The following POU2F3 variants were observed in gnomAD, a reference collection of about 807,000 sequenced individuals.
The protein encoded by POU2F3 is POU domain, class 2, transcription factor 3.
Under a neutral mutation model 59.2 loss-of-function variants are expected in POU2F3, and 23 were observed. The ratio of observed to expected loss-of-function variants is 0.39; its 90% confidence interval spans 0.28 to 0.55. POU2F3 has a LOEUF of 0.55. POU2F3 is among the 20% of genes least tolerant of loss of function. POU2F3 has a pLI of 0.66. For synonymous variants in POU2F3, 190 were observed against 214.6 expected, an observed-to-expected ratio of 0.89 and a Z score of 1.00; for missense variants, 473 against 544.5, an observed-to-expected ratio of 0.87 and a Z score of 1.31.
intron 2 of POU2F3, among the ~76,000 whole-genome samples, chr11:120,264,110 C>T (rs945337856): frequency 1.3e-5 from 2 of 151,914 alleles, no homozygotes; most frequent in African/African-American, 2.4e-5. Context: ...GTGGCTCATG[C>T]CTATAATCCC....
chr11:120,291,288 G>A (rs950510034), intron 3 of POU2F3, among the ~76,000 whole-genome samples: 2 of 152,200 alleles, frequency 1.3e-5, no homozygotes, highest in Non-Finnish European at 2.9e-5. Context: ...GAGACACGTG[G>A]CAGTGCAGTA....
chr11:120,245,785 C>T (rs934827841), intron 1 of POU2F3, among the ~76,000 whole-genome samples: 2 of 152,116 alleles, frequency 1.3e-5, no homozygotes, highest in South Asian at 2.1e-4. Context: ...GGCACTGACC[C>T]GCTGCCATCC....
chr11:120,290,710 A>G (rs971847265), intron 3 of POU2F3, among the ~76,000 whole-genome samples: 4 of 152,254 alleles, frequency 2.6e-5, no homozygotes, highest in African/African-American at 4.8e-5. Flanking sequence ...AGTGTTTCTC[A>G]TCTCTACAGT....
At chr11:120,282,426 C>T (rs1477035257) in intron 3 of POU2F3, among the ~76,000 whole-genome samples, 2 of 152,224 alleles carry the variant, frequency 1.3e-5, no homozygotes, top group African/African-American at 2.4e-5. Flanking sequence ...GAGGCTGAGG[C>T]TGGCGGATCA....
At position 120,318,974 on chromosome 11, in the gene POU2F3, T is replaced by C. The variant is rs1158655649; in HGVS notation, c.*582T>C. On this transcript the variant is annotated 3_prime_UTR_variant, in exon 13 of 13. Coordinates refer to ENST00000543440, the MANE Select transcript of POU2F3 (RefSeq NM_014352.4). ...TTTAACCTCGCCCCCTTTTCTACAATCAAATCCATTCATTATTGCGCCCTC... is the reference window on the plus strand; with the variant it reads ...TTTAACCTCGCCCCCTTTTCTACAACCAAATCCATTCATTATTGCGCCCTC... 1 of 152,518 alleles carries C rather than the reference T, an allele frequency of 6.6e-6. No homozygotes were observed. The highest frequency in any genetic ancestry group is 1.5e-5 in the Non-Finnish European group (1 of 68,314). The allele number at this position is 152,518 out of a possible 1,614,324, so 9.4% of individuals were successfully genotyped here.
At chr11:120,313,999 G>A (rs540757255) in intron 10 of POU2F3, among the ~76,000 whole-genome samples, 1 of 152,266 alleles carries the variant, frequency 6.6e-6, no homozygotes, top group South Asian at 2.1e-4. Context: ...GGGTGACAGA[G>A]CGAGACTCCA....
At chr11:120,266,503 C>G (rs754047561) in intron 2 of POU2F3, among the ~76,000 whole-genome samples, 5 of 152,112 alleles carry the variant, frequency 3.3e-5, no homozygotes, top group Admixed American at 3.3e-4. Flanking sequence ...GTCTTTATCA[C>G]GACCCAACCA....
intron 8 of POU2F3, among the ~76,000 whole-genome samples, chr11:120,307,138 G>T (rs1164144530): frequency 1.3e-5 from 2 of 152,186 alleles, no homozygotes; most frequent in Non-Finnish European, 2.9e-5. Context: ...CCCTGCCAGT[G>T]CCCCCTTACA....
intron 3 of POU2F3, among the ~76,000 whole-genome samples, chr11:120,293,145 T>C (rs1289086738): frequency 1.3e-5 from 2 of 152,140 alleles, no homozygotes; most frequent in Non-Finnish European, 2.9e-5. Context: ...TTTGATGCTC[T>C]CAGGGTGATA....
intron 3 of POU2F3, among the ~76,000 whole-genome samples, chr11:120,276,200 G>A (rs1223761146): frequency 2.0e-5 from 3 of 152,150 alleles, no homozygotes; most frequent in Admixed American, 2.0e-4. Flanking sequence ...AGAGAGCAAG[G>A]GAGGGAATGA....
At chr11:120,265,039 A>G (rs1939768559) in intron 2 of POU2F3, among the ~76,000 whole-genome samples, 1 of 152,170 alleles carries the variant, frequency 6.6e-6, no homozygotes, top group South Asian at 2.1e-4. Context: ...CCCATGACCT[A>G]AATCACCATC....
intron 2 of POU2F3, among the ~76,000 whole-genome samples, chr11:120,266,566 A>G (rs998507900): frequency 6.6e-6 from 1 of 152,008 alleles, no homozygotes; most frequent in Non-Finnish European, 1.5e-5. Flanking sequence ...TACTGACCTC[A>G]TTATTGTCCC....
chr11:120,266,058 T>C (rs1378886008), intron 2 of POU2F3: 1 of 152,196 alleles, frequency 6.6e-6, no homozygotes, highest in Non-Finnish European at 1.5e-5. Flanking sequence ...CGAACACTTC[T>C]CCTGAGTCAA....
chr11:120,315,154 TCCGGGGCAGA>T (rs1941751216), intron 10 of POU2F3, among the ~76,000 whole-genome samples, 197 bp from the exon 11 acceptor site: 1 of 152,174 alleles, frequency 6.6e-6, no homozygotes, highest in South Asian at 2.1e-4. Flanking sequence ...CCAGGGAACT[TCCGGGGCAGA>T]CTGGACCTGG....
chr11:120,294,219 G>A (rs1479585872), intron 3 of POU2F3, among the ~76,000 whole-genome samples: 1 of 152,210 alleles, frequency 6.6e-6, no homozygotes, highest in Non-Finnish European at 1.5e-5. Flanking sequence ...AAGACTCAGT[G>A]TAATACCTTT....
At chr11:120,273,110 G>A (rs1940150598) in intron 3 of POU2F3, among the ~76,000 whole-genome samples, 1 of 152,220 alleles carries the variant, frequency 6.6e-6, no homozygotes, top group Non-Finnish European at 1.5e-5. Context: ...TTGAGCTGTA[G>A]AGAGTGAGGG....
At chr11:120,313,882 C>T (rs1262273890) in intron 10 of POU2F3, among the ~76,000 whole-genome samples, 1 of 152,104 alleles carries the variant, frequency 6.6e-6, no homozygotes, top group Non-Finnish European at 1.5e-5. Context: ...GGCATGGTGG[C>T]AGGTGCCTGT....
intron 3 of POU2F3, among the ~76,000 whole-genome samples, chr11:120,284,586 G>A (rs1353112114): frequency 6.6e-6 from 1 of 152,166 alleles, no homozygotes; most frequent in Non-Finnish European, 1.5e-5. Flanking sequence ...TTTGAGGTTT[G>A]TAGTTAGATC....
chr11:120,275,155 G>C, intron 3 of POU2F3, among the ~76,000 whole-genome samples: 1 of 152,200 alleles, frequency 6.6e-6, no homozygotes, highest in Non-Finnish European at 1.5e-5. Context: ...AAGAGATGGA[G>C]GTGTTTGGCT....
Sources: gnomAD v4.1 joint callset for allele counts (sites outside exome capture counted in the v4.1 genomes callset) on GRCh38, gnomAD v4.1.1 for gene constraint, MANE v1.5 for transcripts, NCBI Gene and HGNC (gene_info 2026-07-23, HGNC 2026-07-21) for gene names.